Variants in BNIP2 observed in about 807,000 individuals in gnomAD.
BNIP2 encodes the protein BCL2/adenovirus E1B 19 kDa protein-interacting protein 2.
BNIP2 carries 36 observed loss-of-function variants against 43.4 expected under a neutral mutation model. That is an observed-to-expected ratio of 0.83 (90% CI 0.64 to 1.10). The LOEUF is 1.10. BNIP2 is among the 50% of genes least tolerant of loss of function. The pLI, the probability that BNIP2 is intolerant of heterozygous loss-of-function variation, is 0.00. For missense variants in BNIP2, 417 were observed against 374.1 expected, an observed-to-expected ratio of 1.11 and a Z score of -0.95; for synonymous variants, 146 against 121.0, an observed-to-expected ratio of 1.21 and a Z score of -1.35.
intron 2 of BNIP2, 24 bp downstream of exon 2, chr15:59,682,384 T>C (rs1893741391): frequency 6.4e-7 from 1 of 1,573,970 alleles, no homozygotes; most frequent in Admixed American, 2.0e-5. Flanking sequence ...TCTAAAATTG[T>C]TTTCTTTTAA....
rs1892344024 is a variant in BNIP2 at position 59,662,753 on chromosome 15, T to C, written c.*1316A>G. ...TGAAGAGTAGCCATGACCTTCAAAT[T>C]TGGAAGGTATTATGCTTACCAGCTG... On this transcript the variant is annotated 3_prime_UTR_variant, in exon 10 of 10. Coordinates refer to ENST00000607373, the MANE Select transcript of BNIP2 (RefSeq NM_004330.4). The C allele has an allele frequency of 6.6e-6, 1 of 152,174 alleles. No homozygotes were observed. The highest frequency in any genetic ancestry group is 6.5e-5 in the Admixed American group (1 of 15,276). The allele number at this position is 152,174 out of a possible 1,614,324, so 9.4% of individuals were successfully genotyped here. A position where few individuals can be genotyped will look rare whatever the true frequency, so the allele number is the denominator to read the frequency against.
chr15:59,689,303 A>G lies in BNIP2; in HGVS notation c.-226T>C. ...GCAGCGGTACGGCGTCGGCGGCAGCAGCTGACCCGGACACAGTGAGAAGCC... is the reference window on the plus strand; with the variant it reads ...GCAGCGGTACGGCGTCGGCGGCAGCGGCTGACCCGGACACAGTGAGAAGCC... On this transcript the variant is annotated 5_prime_UTR_variant, in exon 1 of 10. Coordinates refer to ENST00000607373, the MANE Select transcript of BNIP2 (RefSeq NM_004330.4). 1.9e-6 allele frequency: 3 copies of G among 1,546,998 alleles called. No individual in the cohort carries two copies. Among genetic ancestry groups the G allele is most frequent in the African/African-American group, 1.4e-5 (1 of 73,026 alleles).
In BNIP2 at chr15:59,689,200, C is replaced by A; in HGVS notation, c.-123G>T. The A allele has an allele frequency of 6.5e-7, 1 of 1,539,830 alleles. No homozygotes were observed. Among genetic ancestry groups the A allele is most frequent in the Non-Finnish European group, 8.7e-7 (1 of 1,146,472 alleles). On this transcript the variant is annotated 5_prime_UTR_variant, in exon 1 of 10. Transcript: ENST00000607373. ...CAGGCCGGCGACGTGGGGCTGACGG[C>A]CAGGTCGCAAAAAGCAGGGCCGAGC... is the stretch of plus-strand genomic sequence containing the variant.
chr15:59,663,041 ATCTAACTAGG>A lies in BNIP2; in HGVS notation c.*1018_*1027del, dbSNP rs1892360162. ...TCATACAAACTTGAATAAACACCAC[ATCTAACTAGG>A]TCAAACAACTACCGAGTTCAAATAA... is the stretch of plus-strand genomic sequence containing the variant. On this transcript the variant is annotated 3_prime_UTR_variant, in exon 10 of 10. Transcript: ENST00000607373. 1 of 152,658 alleles carries A rather than the reference ATCTAACTAGG, an allele frequency of 6.6e-6. No homozygotes were observed. Among genetic ancestry groups the A allele is most frequent in the African/African-American group, 2.4e-5 (1 of 41,464 alleles). The allele number at this position is 152,658 out of a possible 1,614,324, so 9.5% of individuals were successfully genotyped here.
intron 1 of BNIP2, chr15:59,688,922 A>G: frequency 6.9e-7 from 1 of 1,458,606 alleles, no homozygotes; most frequent in South Asian, 1.4e-5. Flanking sequence ...GCCAAATACA[A>G]ACAGGACCCA....
chr15:59,672,422 T>C (rs1390084514), intron 6 of BNIP2: 1 of 389,800 alleles, frequency 2.6e-6, no homozygotes, highest in African/African-American at 2.1e-5. Context: ...TACAGGCCCA[T>C]ACTACCATGC....
intron 6 of BNIP2, among the ~76,000 whole-genome samples, chr15:59,671,962 G>A (rs1309639740): frequency 1.3e-5 from 2 of 152,188 alleles, no homozygotes; most frequent in East Asian, 3.8e-4. Context: ...TGCAGTCCCA[G>A]CCACTAGGGA....
At chr15:59,679,513 T>C (rs771320762) in intron 4 of BNIP2, 79 bp downstream of exon 4, 63 of 1,408,418 alleles carry the variant, frequency 4.5e-5, no homozygotes, top group Non-Finnish European at 5.8e-5. Context: ...ATATATGAAC[T>C]TTAGAAAGAA....
Position 59,689,268 on chromosome 15 carries a change from T to TC in BNIP2, c.-192dup. 3 of 1,544,392 alleles carry TC rather than the reference T, an allele frequency of 1.9e-6. No homozygotes were observed. The African/African-American group carries it at 4.1e-5, about 21-fold the overall frequency. ...GTCGGCGGTGGAGACCCCGGCCCAA[T>TC]CCCCCGGCCGCAGCGGTACGGCGTC... On this transcript the variant is annotated 5_prime_UTR_variant, in exon 1 of 10. Transcript: ENST00000607373.
chr15:59,670,668 T>G (rs1248101728), intron 7 of BNIP2, among the ~76,000 whole-genome samples: 1 of 152,238 alleles, frequency 6.6e-6, no homozygotes, highest in African/African-American at 2.4e-5. Flanking sequence ...TTATTCTTTA[T>G]AGAAAAATCA....
At chr15:59,670,942 G>A (rs571472630) in intron 7 of BNIP2, among the ~76,000 whole-genome samples, 3 of 151,730 alleles carry the variant, frequency 2.0e-5, no homozygotes, top group East Asian at 1.9e-4. Flanking sequence ...GCGTGGTGGC[G>A]CATGCCTGTA....
chr15:59,663,918 C>T lies in BNIP2; in HGVS notation c.*151G>A. ...CAAACCAGTACAGCAGTGAACAGTC[C>T]CTTGTATAATACAAAAGTCCATTAT... On this transcript the variant is annotated 3_prime_UTR_variant, in exon 10 of 10. Transcript: ENST00000607373. 2 of 583,464 alleles carry T rather than the reference C, an allele frequency of 3.4e-6. No homozygotes were observed. The highest frequency in any genetic ancestry group is 5.7e-6 in the Non-Finnish European group (2 of 348,312). The allele number at this position is 583,464 out of a possible 1,614,324, so 36.1% of individuals were successfully genotyped here.
intron 9 of BNIP2, among the ~76,000 whole-genome samples, chr15:59,667,856 GAAGGA>G (rs1892656300): frequency 6.6e-6 from 1 of 152,220 alleles, no homozygotes; most frequent in African/African-American, 2.4e-5. Flanking sequence ...CTTAGACTAA[GAAGGA>G]GAGAGAAGGG....
intron 4 of BNIP2, chr15:59,678,942 C>A: frequency 9.2e-7 from 1 of 1,089,986 alleles, no homozygotes; most frequent in South Asian, 1.7e-5. Flanking sequence ...ACCAGTAAAA[C>A]AGGGAAGAAA....
At chr15:59,688,561 C>G in intron 1 of BNIP2, 1 of 769,314 alleles carries the variant, frequency 1.3e-6, no homozygotes, top group Non-Finnish European at 2.1e-6. Flanking sequence ...TCCAGAAATC[C>G]AAACCATTTT....
chr15:59,675,621 CAA>C (rs1476241791), intron 5 of BNIP2, among the ~76,000 whole-genome samples: 1 of 151,980 alleles, frequency 6.6e-6, no homozygotes, highest in East Asian at 1.9e-4. Flanking sequence ...CAAAACAAAA[CAA>C]AAAGAGTCCA....
At chr15:59,680,098 T>C (rs1337651836) in intron 3 of BNIP2, 143 bp downstream of exon 3, 1 of 727,218 alleles carries the variant, frequency 1.4e-6, no homozygotes, top group Non-Finnish European at 2.1e-6. Flanking sequence ...ATTCTAAAAA[T>C]GCTTTCCTCA....
At chr15:59,677,067 G>C in intron 5 of BNIP2, 4 of 1,610,954 alleles carry the variant, frequency 2.5e-6, no homozygotes, top group Non-Finnish European at 3.4e-6. Context: ...TTCATCTTAT[G>C]CTTCAGGCTA....
intron 9 of BNIP2, among the ~76,000 whole-genome samples, chr15:59,668,520 T>A (rs62015289): frequency 0.31 from 46,662 of 152,162 alleles, 8,247 homozygotes; most frequent in East Asian, 0.58. Context: ...GATTATTCAA[T>A]AATAATATTG....
Sources: gnomAD v4.1 joint callset for allele counts (sites outside exome capture counted in the v4.1 genomes callset) on GRCh38, gnomAD v4.1.1 for gene constraint, MANE v1.5 for transcripts, NCBI Gene and HGNC (gene_info 2026-07-23, HGNC 2026-07-21) for gene names.